FYB2: variants seen among roughly 807,000 people sequenced by gnomAD.
The protein encoded by FYB2 is FYN binding protein 2, also known as FYN-binding protein 2.
FYB2 carries 103 observed loss-of-function variants against 94.1 expected under a neutral mutation model. The observed-to-expected ratio is 1.09, with a 90% CI of 0.93 to 1.29. The LOEUF (loss-of-function observed/expected upper bound fraction) is 1.29. Among genes scored for constraint, FYB2 ranks in the 50% most tolerant of loss-of-function variants. FYB2 has a pLI of 0.00. For missense variants in FYB2, 896 were observed against 841.5 expected (o/e 1.06, Z -0.80); for synonymous variants, 293 against 287.9 (o/e 1.02, Z -0.18).
At position 56,807,603 on chromosome 1, in the gene FYB2, AC is replaced by A. The variant is rs1332905951; in HGVS notation, c.9+11678del. 3.3e-5 allele frequency among the ~76,000 whole-genome samples: 5 copies of A among 152,112 alleles called. No homozygotes were observed. The East Asian group carries it at 9.7e-4, about 29-fold the overall frequency. Reference sequence around the variant, plus strand: ...CTACTTCTATGTCACCCATTACCACACCCCACTAATTACTGAGCTTGCACCA... The same window carrying A: ...CTACTTCTATGTCACCCATTACCACACCCACTAATTACTGAGCTTGCACCA... On this transcript the variant is annotated intron_variant, in intron 1 of 19. Coordinates refer to ENST00000343433, the MANE Select transcript of FYB2 (RefSeq NM_001004303.5).
At chr1:56,733,253 A>G (rs746221407) in intron 15 of FYB2, among the ~76,000 whole-genome samples, 1 of 152,080 alleles carries the variant, frequency 6.6e-6, no homozygotes, top group Non-Finnish European at 1.5e-5. Context: ...GGTAGTTTGT[A>G]TTTCTGTGGG....
At chr1:56,730,768 C>T (rs143316793) in intron 15 of FYB2, among the ~76,000 whole-genome samples, 1,730 of 152,122 alleles carry the variant, frequency 0.011, 19 homozygotes, top group Middle Eastern at 0.034. Context: ...GCAGAATGAA[C>T]TCTTCCTAAC....
chr1:56,740,498 G>A (rs767507373), intron 13 of FYB2, among the ~76,000 whole-genome samples, 199 bp downstream of exon 13: 2 of 151,954 alleles, frequency 1.3e-5, no homozygotes, highest in Non-Finnish European at 2.9e-5. Context: ...TTTCAAAGGA[G>A]CATGCCACTT....
chr1:56,810,583 A>G (rs1231568974), intron 1 of FYB2, among the ~76,000 whole-genome samples: 2 of 152,228 alleles, frequency 1.3e-5, no homozygotes, highest in Admixed American at 1.3e-4. Context: ...GAATTTTAGC[A>G]AGATTTTTCT....
intron 4 of FYB2, among the ~76,000 whole-genome samples, chr1:56,768,393 T>C (rs549803699): frequency 2.6e-5 from 4 of 152,306 alleles, no homozygotes; most frequent in Non-Finnish European, 5.9e-5. Context: ...AGAGTTACAA[T>C]ATGCTGTTCC....
At chr1:56,731,968 C>G (rs1327038429) in intron 15 of FYB2, 3 of 151,974 alleles carry the variant, frequency 2.0e-5, no homozygotes, top group Non-Finnish European at 4.4e-5. Context: ...CAACAAAGTA[C>G]TAGAAGTTCC....
chr1:56,755,509 A>G (rs927898085), intron 7 of FYB2, among the ~76,000 whole-genome samples: 4 of 152,108 alleles, frequency 2.6e-5, no homozygotes, highest in Non-Finnish European at 5.9e-5. Context: ...AGCATGGTGC[A>G]TTTCAGAAAT....
At chr1:56,823,094 T>G (rs1647001851), upstream of FYB2, among the ~76,000 whole-genome samples, 2 of 152,178 alleles carry the variant, frequency 1.3e-5, no homozygotes, top group African/African-American at 4.8e-5. Context: ...TATATTTTCT[T>G]CTATTCCTCA....
chr1:56,752,889 A>G (rs1645233468), intron 8 of FYB2, among the ~76,000 whole-genome samples: 1 of 152,066 alleles, frequency 6.6e-6, no homozygotes, highest in African/African-American at 2.4e-5. Context: ...TATGCTCCTA[A>G]TCAAACCATT....
At chr1:56,813,524 T>C (rs1302316253) in intron 1 of FYB2, among the ~76,000 whole-genome samples, 1 of 152,192 alleles carries the variant, frequency 6.6e-6, no homozygotes, top group Non-Finnish European at 1.5e-5. Context: ...TTATGGGAGC[T>C]ACAGTTCAAG....
At chr1:56,743,066 G>T (rs1225704711) in intron 11 of FYB2, among the ~76,000 whole-genome samples, 1 of 151,760 alleles carries the variant, frequency 6.6e-6, no homozygotes, top group Non-Finnish European at 1.5e-5. Flanking sequence ...TATTTTTTGT[G>T]GTGAGAATTT....
At chr1:56,822,172 C>T (rs998500686), upstream of FYB2, among the ~76,000 whole-genome samples, 2 of 152,124 alleles carry the variant, frequency 1.3e-5, no homozygotes, top group African/African-American at 4.8e-5. Flanking sequence ...TATTATGATC[C>T]TAATTTTCCA....
At chr1:56,797,925 G>C (rs996757384) in intron 1 of FYB2, among the ~76,000 whole-genome samples, 21 of 152,094 alleles carry the variant, frequency 1.4e-4, no homozygotes, top group African/African-American at 3.6e-4. Context: ...TGGGTACTTT[G>C]TTTGTATTTC....
At chr1:56,814,225 G>C (rs1020471047) in intron 1 of FYB2, among the ~76,000 whole-genome samples, 1 of 152,212 alleles carries the variant, frequency 6.6e-6, no homozygotes, top group South Asian at 2.1e-4. Flanking sequence ...GCTCGAGTTA[G>C]AGTATACAGG....
At chr1:56,736,032 A>G (rs1644823432) in intron 15 of FYB2, among the ~76,000 whole-genome samples, 1 of 152,142 alleles carries the variant, frequency 6.6e-6, no homozygotes. Context: ...TTATCACTAT[A>G]TATTTTGTGT....
intron 1 of FYB2, among the ~76,000 whole-genome samples, chr1:56,794,150 G>C (rs1178439227): frequency 6.6e-6 from 1 of 152,120 alleles, no homozygotes; most frequent in Non-Finnish European, 1.5e-5. Flanking sequence ...TCTAAATTCA[G>C]CTCCAATTTG....
At chr1:56,814,793 T>A (rs1027776854) in intron 1 of FYB2, among the ~76,000 whole-genome samples, 12 of 152,122 alleles carry the variant, frequency 7.9e-5, no homozygotes, top group Non-Finnish European at 2.9e-5. Context: ...CTTGTGTAGA[T>A]GTTACCCTAT....
chr1:56,744,102 T>C (rs2100634949), intron 10 of FYB2, 36 bp from the exon 11 acceptor site: 2 of 1,612,456 alleles, frequency 1.2e-6, no homozygotes, highest in East Asian at 2.2e-5. Context: ...TTATTGTACC[T>C]TTAAAGTCTC....
At chr1:56,729,334 A>G (rs896136060) in intron 15 of FYB2, among the ~76,000 whole-genome samples, 8 of 152,098 alleles carry the variant, frequency 5.3e-5, no homozygotes, top group Non-Finnish European at 7.4e-5. Context: ...AAGTGGGAAC[A>G]GTTTGAGTTA....
Sources: allele counts gnomAD v4.1 joint callset (sites outside exome capture counted in the v4.1 genomes callset), GRCh38; gene constraint gnomAD v4.1.1; transcripts MANE v1.5; gene names NCBI Gene and HGNC (gene_info 2026-07-23, HGNC 2026-07-21).